The following ABCB9 variants were observed in gnomAD, a reference collection of about 807,000 sequenced individuals.
ABCB9 encodes the protein ABC-type oligopeptide transporter ABCB9.
ABCB9 carries 36 observed loss-of-function variants against 62.0 expected under a neutral mutation model. The observed-to-expected ratio is 0.58, with a 90% CI of 0.45 to 0.77. The LOEUF is 0.77. ABCB9 is among the 30% of genes least tolerant of loss of function. ABCB9 has a pLI of 0.00. For missense variants in ABCB9, 943 were observed against 1,054.7 expected (o/e 0.89, Z 1.47); for synonymous variants, 435 against 461.4 (o/e 0.94, Z 0.73).
intron 6 of ABCB9, 42 bp downstream of exon 6, chr12:122,945,983 C>T (rs1335362103): frequency 6.2e-7 from 1 of 1,601,722 alleles, no homozygotes. Context: ...TCTTTGCATC[C>T]CATCCCTCCA....
intron 11 of ABCB9, among the ~76,000 whole-genome samples, chr12:122,922,729 T>G (rs946907907): frequency 4.6e-5 from 7 of 152,326 alleles, no homozygotes; most frequent in Admixed American, 4.6e-4. Flanking sequence ...CTTCATGCTT[T>G]TGTCTTCAAT....
intron 2 of ABCB9, among the ~76,000 whole-genome samples, chr12:122,954,737 C>T (rs1411272682): frequency 6.6e-6 from 1 of 152,222 alleles, no homozygotes; most frequent in Non-Finnish European, 1.5e-5. Context: ...AAGTGATCTG[C>T]CCACCTCAGC....
chr12:122,967,416 G>C (rs2037209416), upstream of ABCB9, among the ~76,000 whole-genome samples: 3 of 152,210 alleles, frequency 2.0e-5, no homozygotes, highest in Non-Finnish European at 4.4e-5. Context: ...CTGAACCGTG[G>C]GAAGTGGGTG....
chr12:122,919,881 G>GTTTATTT (rs1555268632), downstream of ABCB9, among the ~76,000 whole-genome samples: 12 of 138,896 alleles, frequency 8.6e-5, no homozygotes, highest in South Asian at 4.6e-4. Context: ...CTGTTTGTTT[G>GTTTATTT]TTTATTTATT....
intron 2 of ABCB9, among the ~76,000 whole-genome samples, chr12:122,953,497 C>T (rs1057345816): frequency 6.6e-6 from 1 of 152,180 alleles, no homozygotes; most frequent in Admixed American, 6.5e-5. Flanking sequence ...AAGTGATTGT[C>T]CTGCCTCAGC....
At chr12:122,921,913 C>T (rs565011164) in intron 11 of ABCB9, among the ~76,000 whole-genome samples, 92 of 152,286 alleles carry the variant, frequency 6.0e-4, no homozygotes, top group African/African-American at 2.0e-3. Context: ...TGGTCAGCAG[C>T]AATGGCTGTG....
rs1358126292 is a variant in ABCB9, at chr12:122,950,503, T to C, written c.664A>G (p.Met222Val). Residue 222 changes from methionine to valine, a missense_variant, in exon 3 of 12, where the codon ATG becomes GTG. Coordinates refer to ENST00000280560, the MANE Select transcript of ABCB9 (RefSeq NM_019625.4). ...ACGACAGCCGTGCTGAACTGATCCA[T>C]GCTTTTCTGGATGACGATGCCATCA... is the stretch of plus-strand genomic sequence containing the variant. The part of the protein sequence containing the change: ...AIDGIVIQKS[M>V]DQFSTAVVIV... 11 of 1,613,358 alleles carry C rather than the reference T, an allele frequency of 6.8e-6. No homozygotes were observed. Among genetic ancestry groups the C allele is most frequent in the Non-Finnish European group, 9.3e-6 (11 of 1,179,968 alleles).
rs112181033 is a variant in ABCB9 at position 122,943,961 on chromosome 12, C to T, written c.1380+430G>A. ...CGGCTTGCCTATTTATTTATCAAGACGGAGTCTCGCTCTGTCACCCAGGCT... is the reference window on the plus strand; with the variant it reads ...CGGCTTGCCTATTTATTTATCAAGATGGAGTCTCGCTCTGTCACCCAGGCT... On this transcript the variant is annotated intron_variant, in intron 7 of 11. Transcript: ENST00000280560. 1.1e-3 allele frequency among the ~76,000 whole-genome samples: 172 copies of T among 151,540 alleles called. 4 individuals carry two copies. Among genetic ancestry groups the T allele is most frequent in the African/African-American group, 3.6e-3 (147 of 41,240 alleles).
At chr12:122,972,562 G>C (rs1025869396) in intron 1 of ABCB9, among the ~76,000 whole-genome samples, 5 of 152,014 alleles carry the variant, frequency 3.3e-5, no homozygotes, top group Non-Finnish European at 7.4e-5. Context: ...CCAGGCTGGA[G>C]TGCAGTGGCG....
Position 122,947,006 on chromosome 12 carries a change from C to A in ABCB9, c.1054-784G>T, listed in dbSNP as rs968670774. On this transcript the variant is annotated intron_variant, in intron 5 of 11. Coordinates refer to ENST00000280560, the MANE Select transcript of ABCB9 (RefSeq NM_019625.4). The surrounding 1 kb of genome is among the most constrained non-coding windows in gnomAD (Gnocchi z 6.0). ...CCAGCCGCAGGAAGCATGCAGGGTG[C>A]CTGAGTCATGTTTGGCCATGGGCGG... is the stretch of plus-strand genomic sequence containing the variant. Among the ~76,000 whole-genome samples the A allele has an allele frequency of 3.3e-5, 5 of 152,250 alleles. No homozygotes were observed. The highest frequency in any genetic ancestry group is 1.3e-4 in the Admixed American group (2 of 15,290).
intron 11 of ABCB9, among the ~76,000 whole-genome samples, chr12:122,921,241 C>T (rs1302267566): frequency 6.6e-6 from 1 of 151,576 alleles, no homozygotes; most frequent in Admixed American, 6.6e-5. Flanking sequence ...ATAACCACAA[C>T]TCTGTCTCTA....
chr12:122,975,044 C>G (rs895801584), exon 1 of ABCB9: 4 of 463,484 alleles, frequency 8.6e-6, no homozygotes, highest in African/African-American at 5.9e-5. Context: ...AGTGGGAAAA[C>G]TGGGAGGCGG....
rs1195753619 is a variant in ABCB9 at position 122,959,896 on chromosome 12, GGT to G, written c.338_339del (p.Asp113AlafsTer43). ...LFSEVRRPIRDPWFWALFVWT... is the reference protein window; with the variant it reads ...LFSEVRRPIRXPWFWALFVWT... ...CACACGAACAGGGCCCAAAACCAGG[GGT>G]CCCGGATGGGCCTGCGCACCTCTGA... On this transcript the variant is annotated frameshift_variant, in exon 2 of 12. Transcript: ENST00000280560. LOFTEE classifies it high-confidence loss of function. This position sits in a 1 kb window ranked among gnomAD's most constrained non-coding sequence, Gnocchi z 5.4. 1 of 1,613,462 alleles carries G rather than the reference GGT, an allele frequency of 6.2e-7. No individual in the cohort carries two copies. Among genetic ancestry groups the G allele is most frequent in the South Asian group, 1.1e-5 (1 of 91,086 alleles).
In ABCB9 at chr12:122,929,272, C is replaced by G; in HGVS notation, c.*639G>C. 1 of 986,092 alleles carries G rather than the reference C, an allele frequency of 1.0e-6. No individual in the cohort carries two copies. The highest frequency in any genetic ancestry group is 1.2e-6 in the Non-Finnish European group (1 of 830,114). 61.1% of individuals were successfully genotyped at this position (986,092 alleles called of 1,614,324 possible). A position where few individuals can be genotyped will look rare whatever the true frequency, so the allele number is the denominator to read the frequency against. ...AGACCTGGCCAGCCCCTCACTCCCC[C>G]AGTTGAGGTTTCGTGTGGTTCACAG... On this transcript the variant is annotated 3_prime_UTR_variant, in exon 12 of 12. Transcript: ENST00000280560. The surrounding 1 kb of genome is among the most constrained non-coding windows in gnomAD (Gnocchi z 6.0).
chr12:122,968,254 A>C (rs950425392), upstream of ABCB9, among the ~76,000 whole-genome samples: 1 of 152,250 alleles, frequency 6.6e-6, no homozygotes, highest in Admixed American at 6.5e-5. Context: ...AGCAGGAGTC[A>C]CTCAGAGCTG....
chr12:122,941,924 G>C (rs1042730571), intron 7 of ABCB9, among the ~76,000 whole-genome samples: 10 of 150,750 alleles, frequency 6.6e-5, no homozygotes, highest in African/African-American at 2.4e-4. Flanking sequence ...AAATGGGGTT[G>C]CACCATGTTG....
intron 11 of ABCB9, among the ~76,000 whole-genome samples, chr12:122,921,344 G>A (rs1206117757): frequency 6.6e-6 from 1 of 152,188 alleles, no homozygotes; most frequent in African/African-American, 2.4e-5. Flanking sequence ...GAGCCCAGAA[G>A]TTCAAGGCTG....
chr12:122,919,881 GTTTA>G (rs200114805), downstream of ABCB9, among the ~76,000 whole-genome samples: 56,228 of 138,138 alleles, frequency 0.41, 11,185 homozygotes, highest in Admixed American at 0.44. Context: ...CTGTTTGTTT[GTTTA>G]TTTATTTATT....
intron 1 of ABCB9, among the ~76,000 whole-genome samples, chr12:122,962,386 C>T (rs754963714): frequency 2.0e-5 from 3 of 152,206 alleles, no homozygotes; most frequent in South Asian, 2.1e-4. Flanking sequence ...AGGGGTGAGG[C>T]GCTGGGTGAC....
Sources: allele counts gnomAD v4.1 joint callset (sites outside exome capture counted in the v4.1 genomes callset), GRCh38; gene constraint gnomAD v4.1.1; non-coding constraint Gnocchi (gnomAD v3.1); transcripts MANE v1.5; gene names NCBI Gene and HGNC (gene_info 2026-07-23, HGNC 2026-07-21).